Variants in C8orf34 observed in about 807,000 individuals in gnomAD.
The protein encoded by C8orf34 is uncharacterized protein C8orf34.
A neutral mutation model predicts 68.3 loss-of-function variants in C8orf34; 65 were observed. That is an observed-to-expected ratio of 0.95 (90% CI 0.78 to 1.17). The LOEUF is 1.17. Among genes scored for constraint, C8orf34 ranks in the 50% most tolerant of loss-of-function variants. The pLI is 0.00. For missense variants in C8orf34, 664 were observed against 655.4 expected (o/e 1.01, Z -0.14); for synonymous variants, 244 against 241.2 (o/e 1.01, Z -0.11).
At chr8:68,749,849 C>G (rs1295208377) in intron 10 of C8orf34, among the ~76,000 whole-genome samples, 1 of 152,160 alleles carries the variant, frequency 6.6e-6, no homozygotes, top group Non-Finnish European at 1.5e-5. Flanking sequence ...TTTGGATTCA[C>G]TACATTTTGT....
intron 3 of C8orf34, among the ~76,000 whole-genome samples, chr8:68,461,744 A>C (rs891135055): frequency 8.5e-5 from 13 of 152,158 alleles, no homozygotes; most frequent in South Asian, 4.1e-4. Flanking sequence ...CAAATGCTGA[A>C]AGATTTTGTC....
intron 11 of C8orf34, among the ~76,000 whole-genome samples, chr8:68,781,308 C>A (rs2953950): frequency 0.47 from 71,482 of 151,928 alleles, 19,504 homozygotes; most frequent in African/African-American, 0.76. Context: ...ATTCTGTTAG[C>A]AGATAGAATA....
intron 5 of C8orf34, among the ~76,000 whole-genome samples, chr8:68,495,281 A>G (rs1813479107): frequency 1.3e-5 from 2 of 151,418 alleles, no homozygotes; most frequent in Admixed American, 1.3e-4. Flanking sequence ...AATAATATAT[A>G]TATATATATA....
At chr8:68,439,786 GC>G in intron 2 of C8orf34, 140 bp downstream of exon 2, 1 of 684,206 alleles carries the variant, frequency 1.5e-6, no homozygotes, top group South Asian at 2.7e-5. Flanking sequence ...TTACCTAGAT[GC>G]TAAAATTTGT....
In C8orf34 at chr8:68,462,522, A is replaced by G. The variant is rs1202120976; in HGVS notation, c.608-6170A>G. On this transcript the variant is annotated intron_variant, in intron 3 of 13. Transcript: ENST00000518698. The stretch of plus-strand genomic sequence containing the variant: ...AGCACCACACCACACCTATTCCAAA[A>G]TTGACCACATAGTTGGAAGTAAAGC... 3.6e-3 allele frequency among the ~76,000 whole-genome samples: 549 copies of G among 151,690 alleles called. 4 individuals carry two copies. Among genetic ancestry groups the G allele is most frequent in the Non-Finnish European group, 3.8e-3 (256 of 67,866 alleles).
At chr8:68,648,299 A>C (rs1352696315) in intron 8 of C8orf34, among the ~76,000 whole-genome samples, 1 of 152,324 alleles carries the variant, frequency 6.6e-6, no homozygotes, top group East Asian at 1.9e-4. Flanking sequence ...TAATTATCAA[A>C]ATTTTCCTGG....
chr8:68,350,370 G>T (rs1312508017), intron 1 of C8orf34, among the ~76,000 whole-genome samples: 1 of 151,776 alleles, frequency 6.6e-6, no homozygotes, highest in Non-Finnish European at 1.5e-5. Flanking sequence ...TGATTTTAGA[G>T]TATGTGCCAT....
intron 12 of C8orf34, among the ~76,000 whole-genome samples, chr8:68,793,098 A>C (rs1824060362): frequency 6.6e-6 from 1 of 152,202 alleles, no homozygotes; most frequent in African/African-American, 2.4e-5. Context: ...AATTAATGGA[A>C]AGTTTTAATT....
chr8:68,718,047 T>TGC (rs1821527853), intron 9 of C8orf34, among the ~76,000 whole-genome samples: 1 of 152,204 alleles, frequency 6.6e-6, no homozygotes, highest in African/African-American at 2.4e-5. Flanking sequence ...CATCCTTCCC[T>TGC]GCCTAGCAAT....
At chr8:68,496,019 A>T (rs1201649892) in intron 5 of C8orf34, among the ~76,000 whole-genome samples, 1 of 152,206 alleles carries the variant, frequency 6.6e-6, no homozygotes, top group Non-Finnish European at 1.5e-5. Context: ...TCCTACCACA[A>T]GACATTTTCT....
chr8:68,772,720 TTTC>T (rs1325605606), intron 10 of C8orf34, among the ~76,000 whole-genome samples: 1 of 141,512 alleles, frequency 7.1e-6, no homozygotes, highest in East Asian at 2.4e-4. Flanking sequence ...TCTTTCTTTC[TTTC>T]TTTTTCTTTC....
chr8:68,710,201 A>G (rs1179239630), intron 9 of C8orf34, among the ~76,000 whole-genome samples: 1 of 152,138 alleles, frequency 6.6e-6, no homozygotes, highest in Non-Finnish European at 1.5e-5. Context: ...TCCAAGAAGT[A>G]CCGCAGGAAC....
chr8:68,703,291 G>A (rs1053494363), intron 8 of C8orf34, among the ~76,000 whole-genome samples: 1 of 152,100 alleles, frequency 6.6e-6, no homozygotes, highest in Non-Finnish European at 1.5e-5. Flanking sequence ...CCTTGGAACA[G>A]AATTTACTAA....
intron 2 of C8orf34, among the ~76,000 whole-genome samples, chr8:68,443,293 T>G (rs902178844): frequency 5.3e-5 from 8 of 152,060 alleles, no homozygotes; most frequent in African/African-American, 1.2e-4. Flanking sequence ...ATAGATGAAT[T>G]TTTGGATACT....
chr8:68,663,304 G>A (rs1489012773), intron 8 of C8orf34, among the ~76,000 whole-genome samples: 7 of 152,130 alleles, frequency 4.6e-5, no homozygotes, highest in Admixed American at 4.6e-4. Flanking sequence ...ATTTATCTGG[G>A]TTAGCTCCCA....
intron 10 of C8orf34, among the ~76,000 whole-genome samples, chr8:68,776,016 G>A (rs1385289754): frequency 6.6e-6 from 1 of 152,172 alleles, no homozygotes; most frequent in Non-Finnish European, 1.5e-5. Context: ...GTGGTGGAGG[G>A]AGGGTAAGCA....
At chr8:68,367,862 C>G (rs1473199538) in intron 1 of C8orf34, among the ~76,000 whole-genome samples, 1 of 114,074 alleles carries the variant, frequency 8.8e-6, no homozygotes, top group African/African-American at 3.4e-5. Flanking sequence ...AACTAACCTG[C>G]ACAATGTGCA....
In C8orf34 at chr8:68,446,319, G is replaced by A. The variant is rs1264371590; in HGVS notation, c.476-10G>A. The A allele has an allele frequency of 6.3e-7, 1 of 1,578,220 alleles. No individual in the cohort carries two copies. The highest frequency in any genetic ancestry group is 2.0e-5 in the Admixed American group (1 of 50,256). ...TTTGTTGCCATTTTATATATATTTT[G>A]TTTTAACAGAATCCAAAGGAACAAG... On this transcript the variant is annotated splice_polypyrimidine_tract_variant and intron_variant, in intron 2 of 13. Transcript: ENST00000518698.
At chr8:68,494,801 A>C (rs1322366055) in intron 5 of C8orf34, among the ~76,000 whole-genome samples, 1 of 151,924 alleles carries the variant, frequency 6.6e-6, no homozygotes, top group Non-Finnish European at 1.5e-5. Flanking sequence ...GGTTGCAGTG[A>C]GCTGAGATCA....
Sources: gnomAD v4.1 joint callset for allele counts (sites outside exome capture counted in the v4.1 genomes callset) on GRCh38, gnomAD v4.1.1 for gene constraint, MANE v1.5 for transcripts, NCBI Gene and HGNC (gene_info 2026-07-23, HGNC 2026-07-21) for gene names.